Variants in WDR27 observed in about 807,000 individuals in gnomAD.
WDR27 encodes the protein WD repeat-containing protein 27.
Under a neutral mutation model 114.4 loss-of-function variants are expected in WDR27, and 100 were observed. That is an observed-to-expected ratio of 0.87 (90% CI 0.74 to 1.03). WDR27 has a LOEUF of 1.03. Among genes scored for constraint, WDR27 ranks in the 50% least tolerant of loss-of-function variants. The pLI, the probability that WDR27 is intolerant of heterozygous loss-of-function variation, is 0.00. For missense variants in WDR27, 1,129 were observed against 1,092.9 expected (o/e 1.03, Z -0.47); for synonymous variants, 449 against 423.1 (o/e 1.06, Z -0.75).
chr6:169,467,731 T>C (rs1379838096), intron 25 of WDR27, among the ~76,000 whole-genome samples: 2 of 152,242 alleles, frequency 1.3e-5, no homozygotes, highest in East Asian at 1.9e-4. Context: ...AGCTCTGACA[T>C]GCCCTGAAGA....
intron 23 of WDR27, among the ~76,000 whole-genome samples, chr6:169,599,605 T>C (rs1807533164): frequency 6.6e-6 from 1 of 152,222 alleles, no homozygotes; most frequent in Non-Finnish European, 1.5e-5. Flanking sequence ...TTGGTGGTGA[T>C]ATCCCCTTTA....
chr6:169,503,185 T>C (rs528464455), intron 25 of WDR27, among the ~76,000 whole-genome samples: 1 of 152,252 alleles, frequency 6.6e-6, no homozygotes, highest in South Asian at 2.1e-4. Context: ...CAGCTGAGAA[T>C]GCTCAGGCCT....
chr6:169,525,637 G>C (rs752514568), intron 25 of WDR27, among the ~76,000 whole-genome samples: 82 of 152,022 alleles, frequency 5.4e-4, no homozygotes, highest in Non-Finnish European at 1.0e-3. Context: ...CTAATACACT[G>C]TTGTTAAGAA....
chr6:169,497,780 G>A (rs1490775641), intron 25 of WDR27, among the ~76,000 whole-genome samples: 1 of 152,088 alleles, frequency 6.6e-6, no homozygotes, highest in Non-Finnish European at 1.5e-5. Flanking sequence ...GGAGAAATTT[G>A]GACCCTGTAC....
intron 8 of WDR27, among the ~76,000 whole-genome samples, chr6:169,662,862 G>A (rs890955902): frequency 1.4e-5 from 2 of 141,918 alleles, no homozygotes; most frequent in Non-Finnish European, 3.1e-5. Context: ...TGTGCACCGC[G>A]GAGTACTCAG....
intron 25 of WDR27, among the ~76,000 whole-genome samples, chr6:169,523,321 C>T (rs1432573870): frequency 6.6e-6 from 1 of 151,882 alleles, no homozygotes; most frequent in Non-Finnish European, 1.5e-5. Context: ...AAAGAAAAGC[C>T]CACAATCTGT....
chr6:169,625,410 G>C (rs1240894674), intron 21 of WDR27, among the ~76,000 whole-genome samples: 3 of 152,248 alleles, frequency 2.0e-5, no homozygotes, highest in African/African-American at 7.2e-5. Flanking sequence ...ACTACTGAGA[G>C]GCCAGGGAGG....
chr6:169,600,635 G>A (rs553513274), intron 23 of WDR27, among the ~76,000 whole-genome samples: 2 of 152,332 alleles, frequency 1.3e-5, no homozygotes, highest in South Asian at 2.1e-4. Context: ...TAATGGAGCT[G>A]AAAACCACGG....
At chr6:169,475,835 C>A (rs1787070964) in intron 25 of WDR27, among the ~76,000 whole-genome samples, 1 of 151,912 alleles carries the variant, frequency 6.6e-6, no homozygotes, top group Non-Finnish European at 1.5e-5. Context: ...TTTTTTAATT[C>A]TCTAATAGGG....
At chr6:169,657,211 G>A (rs545701639) in intron 13 of WDR27, among the ~76,000 whole-genome samples, 3 of 152,312 alleles carry the variant, frequency 2.0e-5, no homozygotes, top group Admixed American at 6.5e-5. Context: ...AGCTCTCCCC[G>A]ATCTGCAAGG....
chr6:169,679,434 T>TA (rs1215074711), intron 2 of WDR27, among the ~76,000 whole-genome samples: 8 of 152,214 alleles, frequency 5.3e-5, no homozygotes, highest in African/African-American at 1.9e-4. Flanking sequence ...AGTAGAATGA[T>TA]ATAGTCTGCA....
intron 21 of WDR27, among the ~76,000 whole-genome samples, chr6:169,615,919 T>C (rs1452865143): frequency 1.3e-5 from 2 of 149,126 alleles, no homozygotes; most frequent in Non-Finnish European, 3.0e-5. Flanking sequence ...TATAAGGAAC[T>C]TACGCTGGAT....
In WDR27 at chr6:169,659,518, T is replaced by G; in HGVS notation, c.1130A>C (p.Asp377Ala). The G allele has an allele frequency of 1.9e-6, 3 of 1,608,412 alleles. No individual in the cohort carries two copies. Among genetic ancestry groups the G allele is most frequent in the Non-Finnish European group, 2.5e-6 (3 of 1,177,590 alleles). ...LEVEAALYYK[D>A]FQSLSILLAG... ...CAGCAGGATGCTGAGGCTCTGGAAA[T>G]CTTCAGTTGAGCGAAGACCAGGAAG... is the stretch of plus-strand genomic sequence containing the variant. The change falls in exon 11 of 26, where the codon GAT becomes GCT. Residue 377 changes from aspartate to alanine, a missense_variant and splice_region_variant. By Grantham distance (126) the Asp-to-Ala change is moderately radical. Coordinates refer to ENST00000448612, the MANE Select transcript of WDR27 (RefSeq NM_182552.5). This position sits in a 1 kb window ranked among gnomAD's most constrained non-coding sequence, Gnocchi z 4.3.
intron 25 of WDR27, among the ~76,000 whole-genome samples, chr6:169,538,372 T>C (rs1796430490): frequency 6.6e-6 from 1 of 152,128 alleles, no homozygotes; most frequent in African/African-American, 2.4e-5. Context: ...TTTGTCACAC[T>C]GAGCGAAAAT....
At chr6:169,568,885 A>G (rs1406433408) in intron 25 of WDR27, among the ~76,000 whole-genome samples, 1 of 152,048 alleles carries the variant, frequency 6.6e-6, no homozygotes, top group South Asian at 2.1e-4. Context: ...CCCCTGTGCA[A>G]CTTCTCTGTG....
rs138247859 is a variant in WDR27, at chr6:169,652,717, C to T, written c.1403-709G>A. Among the ~76,000 whole-genome samples, 8 of 152,318 alleles carry T rather than the reference C, an allele frequency of 5.3e-5. No homozygotes were observed. The East Asian group carries it at 1.5e-3, about 29-fold the overall frequency. On this transcript the variant is annotated intron_variant, in intron 13 of 25. Coordinates refer to ENST00000448612, the MANE Select transcript of WDR27 (RefSeq NM_182552.5). ...TTCCATGGGAATATTTTCTAAACTA[C>T]ACCCAAAACATCAACATGTTAAAAT...
At position 169,459,733 on chromosome 6, in the gene WDR27, G is replaced by T. The variant is rs568416500; in HGVS notation, c.2646-2099C>A. Among the ~76,000 whole-genome samples the T allele has an allele frequency of 1.0e-3, 152 of 152,146 alleles. 1 individual carries two copies. Among genetic ancestry groups the T allele is most frequent in the East Asian group, 5.8e-4 (3 of 5,180 alleles). On this transcript the variant is annotated intron_variant, in intron 25 of 25. Coordinates refer to ENST00000448612, the MANE Select transcript of WDR27 (RefSeq NM_182552.5). Reference sequence around the variant, plus strand: ...TTATCACACACAAAGGATTCTCTGAGATTATCAGCAGATTTCTCATAATAA... The same window carrying T: ...TTATCACACACAAAGGATTCTCTGATATTATCAGCAGATTTCTCATAATAA...
chr6:169,694,338 T>C (rs544170856), intron 1 of WDR27, among the ~76,000 whole-genome samples: 77 of 152,166 alleles, frequency 5.1e-4, no homozygotes, highest in Non-Finnish European at 1.0e-3. Context: ...AAATAAGTCA[T>C]CAACGCACGC....
At chr6:169,498,854 A>G (rs1427027596) in intron 25 of WDR27, among the ~76,000 whole-genome samples, 1 of 151,388 alleles carries the variant, frequency 6.6e-6, no homozygotes, top group East Asian at 1.9e-4. Context: ...TTAAAAGAAC[A>G]ACAGGAGGGA....
Sources: gnomAD v4.1 joint callset for allele counts (sites outside exome capture counted in the v4.1 genomes callset) on GRCh38, gnomAD v4.1.1 for gene constraint, Gnocchi (gnomAD v3.1) non-coding constraint, MANE v1.5 for transcripts, NCBI Gene and HGNC (gene_info 2026-07-23, HGNC 2026-07-21) for gene names.